The following VSNL1 variants were observed in gnomAD, a reference collection of about 807,000 sequenced individuals.
The protein encoded by VSNL1 is visinin-like protein 1.
In VSNL1, 6 loss-of-function variants were observed where a neutral mutation model predicts 20.4. The observed-to-expected ratio is 0.29, with a 90% CI of 0.16 to 0.58. VSNL1 has a LOEUF of 0.58. VSNL1 is among the 20% of genes least tolerant of loss of function. The pLI is 0.90. For synonymous variants in VSNL1, 93 were observed against 86.4 expected, an observed-to-expected ratio of 1.08 and a Z score of -0.42; for missense variants, 100 against 234.5, an observed-to-expected ratio of 0.43 and a Z score of 3.75.
intron 2 of VSNL1, among the ~76,000 whole-genome samples, chr2:17,597,724 A>G (rs1393416853): frequency 6.6e-6 from 1 of 152,130 alleles, no homozygotes; most frequent in Non-Finnish European, 1.5e-5. Flanking sequence ...AGGCTTATCC[A>G]TTGGTTCATT....
Position 17,613,343 on chromosome 2 carries a change from A to T in VSNL1, c.162+21107A>T, listed in dbSNP as rs140718530. Among the ~76,000 whole-genome samples the T allele has an allele frequency of 6.6e-5, 10 of 152,356 alleles. No individual in the cohort carries two copies. The East Asian group carries it at 1.7e-3, about 26-fold the overall frequency. On this transcript the variant is annotated intron_variant, in intron 2 of 3. Transcript: ENST00000295156. ...AAAGCAATTTTTTAAGTTACTTGGA[A>T]AAAGTACAGTGAAATTCCTGGAAAA...
chr2:17,581,194 T>C (rs1231001634), intron 1 of VSNL1, among the ~76,000 whole-genome samples: 1 of 152,232 alleles, frequency 6.6e-6, no homozygotes, highest in Non-Finnish European at 1.5e-5. Flanking sequence ...AATATCAACA[T>C]TTTTTATATA....
At chr2:17,598,661 T>C (rs1298333229) in intron 2 of VSNL1, among the ~76,000 whole-genome samples, 1 of 152,226 alleles carries the variant, frequency 6.6e-6, no homozygotes, top group Non-Finnish European at 1.5e-5. Flanking sequence ...AAATTTTATA[T>C]ATAAACTCTC....
At chr2:17,639,683 G>A (rs867671165) in intron 2 of VSNL1, among the ~76,000 whole-genome samples, 4 of 152,100 alleles carry the variant, frequency 2.6e-5, no homozygotes, top group African/African-American at 9.7e-5. Context: ...AATAATAATA[G>A]CATCTTTCAT....
intron 1 of VSNL1, among the ~76,000 whole-genome samples, chr2:17,583,808 G>A (rs1292228167): frequency 1.3e-5 from 2 of 152,198 alleles, no homozygotes; most frequent in Non-Finnish European, 2.9e-5. Context: ...CACAATTTGT[G>A]TACGTCTGTT....
At chr2:17,542,232 G>A (rs1282649047) in intron 1 of VSNL1, among the ~76,000 whole-genome samples, 2 of 152,014 alleles carry the variant, frequency 1.3e-5, no homozygotes, top group Non-Finnish European at 2.9e-5. Context: ...GGGGGAGTAG[G>A]GGGTGATCCT....
intron 2 of VSNL1, among the ~76,000 whole-genome samples, chr2:17,595,529 G>T (rs1459898375): frequency 1.3e-5 from 2 of 152,136 alleles, no homozygotes; most frequent in African/African-American, 4.8e-5. Flanking sequence ...AAACAAAATT[G>T]TCCCCTAGCA....
intron 2 of VSNL1, among the ~76,000 whole-genome samples, chr2:17,605,628 TG>T (rs1664928325): frequency 6.6e-6 from 1 of 152,166 alleles, no homozygotes; most frequent in African/African-American, 2.4e-5. Context: ...GTTAGGGGCA[TG>T]TGCAGAGCCC....
chr2:17,649,514 G>C lies in VSNL1; in HGVS notation c.267G>C (p.Leu89=). Reference sequence around the variant, plus strand: ...ACTTCCGAGAGTTCATCTGCGCTCTGTCCATCACCTCCAGGGGCAGCTTTG... The same window carrying C: ...ACTTCCGAGAGTTCATCTGCGCTCTCTCCATCACCTCCAGGGGCAGCTTTG... The part of the protein sequence containing the change: ...TIDFREFICA[L]SITSRGSFEQ... The change falls in exon 3 of 4, where the codon CTG becomes CTC. Residue 89 remains leucine, a synonymous_variant. Coordinates refer to ENST00000295156, the MANE Select transcript of VSNL1 (RefSeq NM_003385.5). This position sits in a 1 kb window ranked among gnomAD's most constrained non-coding sequence, Gnocchi z 6.4. The C allele has an allele frequency of 1.2e-6, 2 of 1,614,186 alleles. No homozygotes were observed. Among genetic ancestry groups the C allele is most frequent in the Non-Finnish European group, 1.7e-6 (2 of 1,180,034 alleles).
intron 3 of VSNL1, among the ~76,000 whole-genome samples, chr2:17,650,604 A>T (rs1356769737): frequency 1.3e-5 from 2 of 152,216 alleles, no homozygotes; most frequent in East Asian, 3.9e-4. Flanking sequence ...CAGGTGCTCC[A>T]TCCTGGAGCT....
chr2:17,617,337 A>C (rs1318004956), intron 2 of VSNL1, among the ~76,000 whole-genome samples: 1 of 152,168 alleles, frequency 6.6e-6, no homozygotes, highest in Middle Eastern at 3.2e-3. Context: ...TTTACTAAAA[A>C]ATACAAAAAT....
Position 17,624,824 on chromosome 2 carries a change from T to G in VSNL1, c.163-24586T>G, listed in dbSNP as rs1440075087. Reference sequence around the variant, plus strand: ...CTATAAGATAATGAATGTATTGCTTTAAACCAAAATGGTCGAGGTAATGTG... The same window carrying G: ...CTATAAGATAATGAATGTATTGCTTGAAACCAAAATGGTCGAGGTAATGTG... On this transcript the variant is annotated intron_variant, in intron 2 of 3. Transcript: ENST00000295156. Among the ~76,000 whole-genome samples, 7 of 152,238 alleles carry G rather than the reference T, an allele frequency of 4.6e-5. No homozygotes were observed. The East Asian group carries it at 1.3e-3, about 29-fold the overall frequency.
At chr2:17,561,446 A>G (rs1663813081) in intron 1 of VSNL1, among the ~76,000 whole-genome samples, 1 of 152,202 alleles carries the variant, frequency 6.6e-6, no homozygotes, top group African/African-American at 2.4e-5. Context: ...AGATACTAGG[A>G]TGAGGCTGAA....
At chr2:17,550,004 C>T (rs1039709950) in intron 1 of VSNL1, among the ~76,000 whole-genome samples, 5 of 152,230 alleles carry the variant, frequency 3.3e-5, no homozygotes, top group African/African-American at 1.2e-4. Context: ...GGAAGACTTA[C>T]TTCTCTGAGT....
chr2:17,582,028 C>G lies in VSNL1; in HGVS notation c.-5-10042C>G, dbSNP rs60071003. 1.3e-4 allele frequency among the ~76,000 whole-genome samples: 20 copies of G among 152,254 alleles called. No individual in the cohort carries two copies. In the East Asian group the frequency reaches 3.3e-3, roughly 25 times the overall value. The stretch of plus-strand genomic sequence containing the variant: ...AAGAAGTAGCCGTACAGTGAAGTCA[C>G]TGAAAATGAGGTACCTCCTCTACAT... On this transcript the variant is annotated intron_variant, in intron 1 of 3. Coordinates refer to ENST00000295156, the MANE Select transcript of VSNL1 (RefSeq NM_003385.5).
chr2:17,640,299 A>T (rs992217315), intron 2 of VSNL1, among the ~76,000 whole-genome samples: 1 of 152,040 alleles, frequency 6.6e-6, no homozygotes, highest in Non-Finnish European at 1.5e-5. Flanking sequence ...TAAAGCTTTG[A>T]AAAGATTAAA....
At chr2:17,541,972 C>T (rs1663294030) in intron 1 of VSNL1, among the ~76,000 whole-genome samples, 1 of 152,062 alleles carries the variant, frequency 6.6e-6, no homozygotes, top group African/African-American at 2.4e-5. Flanking sequence ...CCCTCCTGTC[C>T]GTATTTTGGA....
At chr2:17,583,432 T>A (rs1664397341) in intron 1 of VSNL1, among the ~76,000 whole-genome samples, 1 of 152,246 alleles carries the variant, frequency 6.6e-6, no homozygotes, top group South Asian at 2.1e-4. Context: ...AAGCATTTCC[T>A]CTGTTACCTC....
intron 2 of VSNL1, among the ~76,000 whole-genome samples, chr2:17,595,337 C>A (rs747516789): frequency 6.6e-6 from 1 of 152,182 alleles, no homozygotes; most frequent in African/African-American, 2.4e-5. Context: ...CCTGCCTGCC[C>A]TCCCGAATTT....
Sources: allele counts gnomAD v4.1 joint callset (sites outside exome capture counted in the v4.1 genomes callset), GRCh38; gene constraint gnomAD v4.1.1; non-coding constraint Gnocchi (gnomAD v3.1); transcripts MANE v1.5; gene names NCBI Gene and HGNC (gene_info 2026-07-23, HGNC 2026-07-21).